The following TP53BP2 variants were observed in gnomAD, a reference collection of about 807,000 sequenced individuals.
TP53BP2 encodes tumor protein p53 binding protein 2.
In TP53BP2, 62 loss-of-function variants were observed where a neutral mutation model predicts 126.2. That is an observed-to-expected ratio of 0.49 (90% CI 0.40 to 0.61). The LOEUF (loss-of-function observed/expected upper bound fraction) is 0.61. TP53BP2 is among the 20% of genes least tolerant of loss of function. TP53BP2 has a pLI of 0.00. For missense variants in TP53BP2, 1,215 were observed against 1,402.8 expected (o/e 0.87, Z 2.14); for synonymous variants, 485 against 502.9 (o/e 0.96, Z 0.48).
At chr1:223,802,370 A>C (rs1571851013) in intron 8 of TP53BP2, 26 bp from the exon 9 acceptor site, 1 of 1,592,548 alleles carries the variant, frequency 6.3e-7, no homozygotes, top group Non-Finnish European at 8.6e-7. Flanking sequence ...CAGGTCCTTT[A>C]GTATTAAAAA....
At chr1:223,815,902 T>A (rs1055992020) in intron 2 of TP53BP2, among the ~76,000 whole-genome samples, 2 of 152,232 alleles carry the variant, frequency 1.3e-5, no homozygotes, top group Non-Finnish European at 2.9e-5. Context: ...CTGTATACCA[T>A]ATAGCCTAGG....
intron 15 of TP53BP2, among the ~76,000 whole-genome samples, chr1:223,790,232 AC>A (rs1383723542): frequency 7.3e-5 from 11 of 151,400 alleles, no homozygotes; most frequent in Admixed American, 1.3e-4. Flanking sequence ...CTCCAGGGTG[AC>A]ACAGCAAGAC....
chr1:223,845,167 G>C, intron 1 of TP53BP2: 1 of 845,818 alleles, frequency 1.2e-6, no homozygotes. Context: ...TCCACAAAGA[G>C]GTAAGGGTGA....
chr1:223,820,060 G>A (rs1663246800), intron 2 of TP53BP2, among the ~76,000 whole-genome samples: 1 of 152,164 alleles, frequency 6.6e-6, no homozygotes, highest in Admixed American at 6.5e-5. Flanking sequence ...CTTTTGGCAG[G>A]GTGCTCAGGA....
chr1:223,826,883 G>C (rs1663514839), intron 1 of TP53BP2, among the ~76,000 whole-genome samples: 1 of 152,176 alleles, frequency 6.6e-6, no homozygotes, highest in South Asian at 2.1e-4. Flanking sequence ...CAAAGGTGGT[G>C]AAAATGGCTG....
At chr1:223,809,945 G>A (rs1662856659) in intron 4 of TP53BP2, among the ~76,000 whole-genome samples, 2 of 152,056 alleles carry the variant, frequency 1.3e-5, no homozygotes, top group South Asian at 4.1e-4. Flanking sequence ...TCCTGCCTCA[G>A]CCTCCTGAGT....
rs143699777 is a variant in TP53BP2, at chr1:223,799,903, G to C, written c.1481C>G (p.Ala494Gly). 1 of 1,583,140 alleles carries C rather than the reference G, an allele frequency of 6.3e-7. No individual in the cohort carries two copies. Among genetic ancestry groups the C allele is most frequent in the Non-Finnish European group, 8.5e-7 (1 of 1,170,818 alleles). The stretch of plus-strand genomic sequence containing the variant: ...AACCAGGATATTTGTAGGTACCTGA[G>C]CATCCCGCAAGATATCTTCACTGCT... The part of the protein sequence containing the change: ...NQSSEDILRD[A>G]QVANKNVAKV... The change falls in exon 11 of 18, where the codon GCT becomes GGT. Residue 494 changes from alanine (A) to glycine (G), a missense_variant. By Grantham distance (60) the Ala-to-Gly change is moderately conservative. Around this residue, in one of 4 missense-constraint regions of TP53BP2, gnomAD observed 814 missense variants for 853.0 expected, o/e 0.95. Coordinates refer to ENST00000343537, the MANE Select transcript of TP53BP2 (RefSeq NM_001031685.3).
At chr1:223,821,480 G>C (rs373813599) in intron 1 of TP53BP2, 113 bp from the exon 2 acceptor site, 6 of 1,415,218 alleles carry the variant, frequency 4.2e-6, no homozygotes, top group African/African-American at 4.2e-5. Flanking sequence ...ACGTACAACA[G>C]AACAGTCTGG....
chr1:223,821,114 C>T, intron 2 of TP53BP2, 106 bp downstream of exon 2: 1 of 1,408,214 alleles, frequency 7.1e-7, no homozygotes, highest in Non-Finnish European at 9.8e-7. Context: ...TGCTATTCTC[C>T]AGTTTCTCCC....
chr1:223,826,979 G>A (rs1188937388), intron 1 of TP53BP2, among the ~76,000 whole-genome samples: 1 of 152,158 alleles, frequency 6.6e-6, no homozygotes, highest in Non-Finnish European at 1.5e-5. Context: ...GAAATTAAGA[G>A]TGACTCTGGA....
chr1:223,798,377 A>T lies in TP53BP2; in HGVS notation c.1786T>A (p.Ser596Thr). ...AAGGGTGGAAGTAAGGTGTCTTTGG[A>T]AGGCTGGGGAGTAAAGGGCCGGACG... is the stretch of plus-strand genomic sequence containing the variant. ...AAVRPFTPQP[S>T]KDTLLPPFRK... The change falls in exon 12 of 18, where the codon TCC becomes ACC. Residue 596 changes from serine (S) to threonine (T), a missense_variant. By Grantham distance (58) the Ser-to-Thr change is moderately conservative. Transcript: ENST00000343537. 6.2e-7 allele frequency: 1 copy of T among 1,614,050 alleles called. No homozygotes were observed.
At chr1:223,788,615 T>G (rs1662050537) in intron 16 of TP53BP2, among the ~76,000 whole-genome samples, 1 of 152,236 alleles carries the variant, frequency 6.6e-6, no homozygotes, top group Non-Finnish European at 1.5e-5. Flanking sequence ...TTAGGAAAAC[T>G]TGGACCATTT....
At chr1:223,815,021 T>C (rs1392118955) in intron 2 of TP53BP2, among the ~76,000 whole-genome samples, 2 of 152,132 alleles carry the variant, frequency 1.3e-5, no homozygotes, top group Non-Finnish European at 2.9e-5. Flanking sequence ...TCTCAAGCTG[T>C]CCTAAAAAAA....
intron 12 of TP53BP2, 63 bp downstream of exon 12, chr1:223,798,152 A>G: frequency 2.7e-6 from 4 of 1,476,808 alleles, no homozygotes; most frequent in Non-Finnish European, 3.7e-6. Context: ...CTGTCTGCTG[A>G]GGGATGGCTT....
At chr1:223,817,591 T>C (rs1017752555) in intron 2 of TP53BP2, among the ~76,000 whole-genome samples, 3 of 152,114 alleles carry the variant, frequency 2.0e-5, no homozygotes, top group Admixed American at 6.6e-5. Flanking sequence ...AATAAAGCAA[T>C]TGTTAGCTCA....
In TP53BP2 at chr1:223,840,890, C is replaced by T. The variant is rs575964905; in HGVS notation, c.27+4764G>A. 1.5e-3 allele frequency among the ~76,000 whole-genome samples: 221 copies of T among 152,282 alleles called. 1 individual carries two copies. The highest frequency in any genetic ancestry group is 1.9e-3 in the East Asian group (10 of 5,192). ...GGTTTCTCTGAAACAGGTAAAAATA[C>T]AGAAATTTTCAAACGTCTTTCAGCT... On this transcript the variant is annotated intron_variant, in intron 1 of 17. Transcript: ENST00000343537.
At chr1:223,787,003 C>T (rs1428855177) in intron 16 of TP53BP2, among the ~76,000 whole-genome samples, 2 of 152,142 alleles carry the variant, frequency 1.3e-5, no homozygotes, top group African/African-American at 2.4e-5. Flanking sequence ...TCAAACAGTT[C>T]TCCTGCCTCG....
At position 223,804,310 on chromosome 1, in the gene TP53BP2, T is replaced by A; in HGVS notation, c.513A>T (p.Arg171=). 1 of 1,613,926 alleles carries A rather than the reference T, an allele frequency of 6.2e-7. No individual in the cohort carries two copies. Among genetic ancestry groups the A allele is most frequent in the Non-Finnish European group, 8.5e-7 (1 of 1,179,976 alleles). Residue 171 remains arginine, a synonymous_variant, in exon 6 of 18, where the codon CGA becomes CGT. Coordinates refer to ENST00000343537, the MANE Select transcript of TP53BP2 (RefSeq NM_001031685.3). ...CCTGCTCAGCAACTTGTTGCTGTTG[T>A]CGCTGATCTTGTTGTTTCAAAAACT... ...RLKFLKQQDQ[R]QQQQVAEQEK... is the part of the protein sequence containing the mutation.
intron 1 of TP53BP2, among the ~76,000 whole-genome samples, chr1:223,844,407 C>T (rs1395633455): frequency 1.3e-5 from 2 of 152,126 alleles, no homozygotes; most frequent in Non-Finnish European, 1.5e-5. Flanking sequence ...ACAGACAATC[C>T]GTACAAGTTA....
Sources: allele counts gnomAD v4.1 joint callset (sites outside exome capture counted in the v4.1 genomes callset), GRCh38; gene constraint gnomAD v4.1.1; regional missense constraint gnomAD v4.1.1; transcripts MANE v1.5; gene names NCBI Gene and HGNC (gene_info 2026-07-23, HGNC 2026-07-21).